FANCM: variants seen among roughly 807,000 people sequenced by gnomAD.
FANCM encodes Fanconi anemia group M protein.
A neutral mutation model predicts 199.5 loss-of-function variants in FANCM; 140 were observed. The ratio of observed to expected loss-of-function variants is 0.70; its 90% CI spans 0.61 to 0.81. The LOEUF (loss-of-function observed/expected upper bound fraction) is 0.81. FANCM is among the 30% of genes least tolerant of loss of function. The probability of loss-of-function intolerance (pLI) is 0.00; values close to 1 mark genes in which losing one functional copy is unlikely to be tolerated. For synonymous variants in FANCM, 840 were observed against 836.8 expected, an observed-to-expected ratio of 1.00 and a Z score of -0.07; for missense variants, 2,410 against 2,421.4, an observed-to-expected ratio of 1.00 and a Z score of 0.10.
intron 7 of FANCM, 116 bp downstream of exon 7, chr14:45,154,938 A>G (rs1887075993): frequency 4.1e-6 from 3 of 737,028 alleles, no homozygotes; most frequent in Non-Finnish European, 6.9e-6. Flanking sequence ...GTAGCAACAG[A>G]TCTGTTAAAT....
chr14:45,153,627 A>AT (rs201494125), intron 5 of FANCM, among the ~76,000 whole-genome samples: 6 of 151,744 alleles, frequency 4.0e-5, no homozygotes, highest in Non-Finnish European at 5.9e-5. Context: ...AAACAATATA[A>AT]TTTTTTTTTC....
Position 45,176,544 on chromosome 14 carries a change from T to C in FANCM, c.3790T>C (p.Leu1264=). 1 of 1,600,876 alleles carries C rather than the reference T, an allele frequency of 6.2e-7. No individual in the cohort carries two copies. The change falls in exon 14 of 23, where the codon TTG becomes CTG. Residue 1264 remains leucine, a synonymous_variant. Transcript: ENST00000267430. The part of the protein sequence containing the change: ...RPLDDLYGRY[L]EIKEISDANY... ...TCTAGATGATCTATATGGAAGGTAT[T>C]TGGAAATTAAGGAGATAAGTGATGC...
At chr14:45,171,761 A>G (rs1888358131) in intron 12 of FANCM, among the ~76,000 whole-genome samples, 1 of 150,804 alleles carries the variant, frequency 6.6e-6, no homozygotes. Context: ...TCACTGATTG[A>G]TGGGCATATA....
intron 6 of FANCM, among the ~76,000 whole-genome samples, 167 bp from the exon 7 acceptor site, chr14:45,154,530 C>A (rs1887047209): frequency 6.6e-6 from 1 of 151,744 alleles, no homozygotes; most frequent in African/African-American, 2.4e-5. Flanking sequence ...AAAAGGAAAC[C>A]ATTCATTAAT....
At chr14:45,183,954 TA>T in intron 17 of FANCM, 52 bp downstream of exon 17, 3 of 1,365,818 alleles carry the variant, frequency 2.2e-6, no homozygotes, top group Non-Finnish European at 3.1e-6. Flanking sequence ...TCAGTAAAGA[TA>T]ATTGGTTTTA....
At chr14:45,146,073 A>G (rs990510131) in intron 3 of FANCM, among the ~76,000 whole-genome samples, 11 of 131,142 alleles carry the variant, frequency 8.4e-5, no homozygotes, top group Non-Finnish European at 1.7e-4. Context: ...AAAAAAAAAG[A>G]AAAAAAAAAT....
chr14:45,177,792 A>G (rs182027436), intron 14 of FANCM, among the ~76,000 whole-genome samples: 502 of 152,328 alleles, frequency 3.3e-3, no homozygotes, highest in South Asian at 4.6e-3. Flanking sequence ...GTGTTACAAA[A>G]TGATGAAAGC....
intron 11 of FANCM, 185 bp downstream of exon 11, chr14:45,167,348 A>G (rs962219682): frequency 1.7e-6 from 1 of 577,950 alleles, no homozygotes; most frequent in African/African-American, 1.9e-5. Flanking sequence ...CTGGTAGTAT[A>G]GAGTGACAGA....
At position 45,164,414 on chromosome 14, in the gene FANCM, G is replaced by T; in HGVS notation, c.1637G>T (p.Gly546Val). 6.2e-7 allele frequency: 1 copy of T among 1,613,490 alleles called. No homozygotes were observed. ...GYNTLVSTCV[G>V]EEGLDIGEVD... ...AACACGCTGGTTTCTACCTGTGTGG[G>T]TGAAGAAGGTTTGGATATAGGAGAA... The change falls in exon 10 of 23, where the codon GGT becomes GTT. Residue 546 changes from glycine to valine, a missense_variant. Transcript: ENST00000267430.
intron 4 of FANCM, among the ~76,000 whole-genome samples, chr14:45,151,076 G>A (rs991823289): frequency 2.6e-5 from 4 of 152,210 alleles, no homozygotes; most frequent in Non-Finnish European, 5.9e-5. Context: ...AGAAATCAAA[G>A]GTCTTCGTTC....
chr14:45,149,618 C>T (rs1467875429), intron 4 of FANCM, among the ~76,000 whole-genome samples: 2 of 152,020 alleles, frequency 1.3e-5, no homozygotes, highest in East Asian at 1.9e-4. Flanking sequence ...TTTTCCTGCC[C>T]CGACCTCCCA....
chr14:45,175,159 A>G lies in FANCM; in HGVS notation c.2405A>G (p.Asn802Ser). 6.2e-7 allele frequency: 1 copy of G among 1,611,810 alleles called. No individual in the cohort carries two copies. Among genetic ancestry groups the G allele is most frequent in the East Asian group, 2.2e-5 (1 of 44,720 alleles). Residue 802 changes from asparagine to serine, a missense_variant, in exon 14 of 23, where the codon AAT becomes AGT. Asn to Ser is a conservative substitution (Grantham distance 46). Transcript: ENST00000267430. ...STFIAPRNES[N>S]NLASDTFITH... ...TTTATTGCTCCCAGGAATGAATCTA[A>G]TAATCTTGCCAGTGACACCTTTATC...
At chr14:45,165,925 G>C (rs1887937094) in intron 10 of FANCM, among the ~76,000 whole-genome samples, 1 of 152,012 alleles carries the variant, frequency 6.6e-6, no homozygotes, top group East Asian at 1.9e-4. Context: ...CGCTTTTGTT[G>C]TATACAGGGA....
At chr14:45,153,774 G>T (rs1446741377) in intron 5 of FANCM, 146 bp from the exon 6 acceptor site, 1 of 737,122 alleles carries the variant, frequency 1.4e-6, no homozygotes, top group East Asian at 2.5e-5. Flanking sequence ...TAACCAATCG[G>T]TTATAGCAGT....
rs376133103 is a variant in FANCM at position 45,170,784 on chromosome 14, C to A, written c.2160+38C>A. The A allele has an allele frequency of 2.2e-4, 342 of 1,570,398 alleles. 2 individuals carry two copies. The highest frequency in any genetic ancestry group is 3.4e-4 in the Middle Eastern group (2 of 5,956). On this transcript the variant is annotated intron_variant, in intron 12 of 22. Transcript: ENST00000267430. The stretch of plus-strand genomic sequence containing the variant: ...TATTTTCAGATGTTCTTTTCCCCCC[C>A]CTCATTTTAATGCCAGAACCCCTCA...
At position 45,150,786 on chromosome 14, in the gene FANCM, T is replaced by C. The variant is rs1886763256; in HGVS notation, c.919-611T>C. 2.0e-5 allele frequency among the ~76,000 whole-genome samples: 3 copies of C among 152,254 alleles called. No individual in the cohort carries two copies. The South Asian group carries it at 6.2e-4, about 32-fold the overall frequency. ...TTGTTATAATGAAAATGATCTACTT[T>C]CTTTGTTCGCTTCTTTATTCTTCGG... On this transcript the variant is annotated intron_variant, in intron 4 of 22. Transcript: ENST00000267430.
In FANCM at chr14:45,166,983, A is replaced by G. The variant is rs761833981; in HGVS notation, c.1822A>G (p.Ile608Val). ...TCAGAGTCAGTCCAACAAAAGAAGT[A>G]TATATAAAGCTATTTCAAGTAACAG... The part of the protein sequence containing the change: ...YNQSQSNKRS[I>V]YKAISSNRQV... The change falls in exon 11 of 23, where the codon ATA becomes GTA. Residue 608 changes from isoleucine (I) to valine (V), a missense_variant. By Grantham distance (29) the Ile-to-Val change is conservative. Transcript: ENST00000267430. 10 of 1,595,706 alleles carry G rather than the reference A, an allele frequency of 6.3e-6. No homozygotes were observed. In the African/African-American group the frequency reaches 8.1e-5, roughly 13 times the overall value.
intron 8 of FANCM, among the ~76,000 whole-genome samples, chr14:45,157,404 A>G (rs949787151): frequency 6.6e-6 from 1 of 152,246 alleles, no homozygotes; most frequent in Non-Finnish European, 1.5e-5. Flanking sequence ...CCTGAAGAAT[A>G]TCAACAGTTA....
intron 21 of FANCM, 22 bp from the exon 22 acceptor site, chr14:45,198,622 T>G: frequency 1.9e-6 from 3 of 1,585,324 alleles, no homozygotes; most frequent in Non-Finnish European, 2.6e-6. Flanking sequence ...AAGTTTGCCT[T>G]TCCCTAAATA....
Sources: allele counts gnomAD v4.1 joint callset (sites outside exome capture counted in the v4.1 genomes callset), GRCh38; gene constraint gnomAD v4.1.1; transcripts MANE v1.5; gene names NCBI Gene and HGNC (gene_info 2026-07-23, HGNC 2026-07-21).